Variants in TBX3 observed in about 807,000 individuals in gnomAD.
TBX3 encodes the protein T-box transcription factor 3.
In TBX3, 11 loss-of-function variants were observed where a neutral mutation model predicts 47.8. The ratio of observed to expected loss-of-function variants is 0.23; its 90% CI spans 0.14 to 0.38. The LOEUF (loss-of-function observed/expected upper bound fraction) is 0.38. Ranked by LOEUF, TBX3 falls within the 10% of genes least tolerant of loss-of-function variation. The pLI, the probability that TBX3 is intolerant of heterozygous loss-of-function variation, is 1.00. For missense variants in TBX3, 927 were observed against 1,022.8 expected (o/e 0.91, Z 1.28); for synonymous variants, 500 against 449.3 (o/e 1.11, Z -1.43).
At chr12:114,676,685 G>T (rs1313369419) in intron 4 of TBX3, among the ~76,000 whole-genome samples, 1 of 152,238 alleles carries the variant, frequency 6.6e-6, no homozygotes, top group Non-Finnish European at 1.5e-5. Context: ...GTGGCAGAGG[G>T]TTAGGGAGAA....
Position 114,679,758 on chromosome 12 carries a change from C to T in TBX3, c.658-107G>A, listed in dbSNP as rs562014758. On this transcript the variant is annotated intron_variant, in intron 2 of 6. Transcript: ENST00000349155. Reference sequence around the variant, plus strand: ...AAATCTTCCCCACCGCAGGGTACCACGCTTGTACCGAGCCCACCTCCTTGG... The same window carrying T: ...AAATCTTCCCCACCGCAGGGTACCATGCTTGTACCGAGCCCACCTCCTTGG... 2.2e-5 allele frequency: 35 copies of T among 1,560,856 alleles called. No individual in the cohort carries two copies. The African/African-American group carries it at 2.4e-4, about 11-fold the overall frequency.
At position 114,674,288 on chromosome 12, in the gene TBX3, G is replaced by A. The variant is rs376960290; in HGVS notation, c.1587C>T (p.Ala529=). 1.3e-6 allele frequency: 2 copies of A among 1,581,022 alleles called. No individual in the cohort carries two copies. Among genetic ancestry groups the A allele is most frequent in the African/African-American group, 1.3e-5 (1 of 74,366 alleles). The change falls in exon 6 of 7, where the codon GCC becomes GCT. Residue 529 remains alanine (A), a synonymous_variant. Transcript: ENST00000349155. Reference sequence around the variant, plus strand: ...AATCCAGGCCCGAGACACCGGTGGAGGCCCCAGAAACCGTGGCCAGGAGGG... The same window carrying A: ...AATCCAGGCCCGAGACACCGGTGGAAGCCCCAGAAACCGTGGCCAGGAGGG... The part of the protein sequence containing the change: ...MGPLLATVSG[A]STGVSGLDST...
At chr12:114,673,799 C>T (rs933467588) in intron 6 of TBX3, among the ~76,000 whole-genome samples, 4 of 152,208 alleles carry the variant, frequency 2.6e-5, no homozygotes, top group Admixed American at 1.3e-4. Flanking sequence ...GGCGTCTTCG[C>T]CTTCATCTGT....
intron 3 of TBX3, among the ~76,000 whole-genome samples, chr12:114,679,221 GA>G (rs1405881284): frequency 1.3e-5 from 2 of 152,130 alleles, no homozygotes; most frequent in African/African-American, 2.4e-5. Context: ...CAAAGCCCAA[GA>G]GGGGGGGAGG....
In TBX3 at chr12:114,681,177, A is replaced by G. The variant is rs374877370; in HGVS notation, c.390-31T>C. On this transcript the variant is annotated intron_variant, in intron 1 of 6. Transcript: ENST00000349155. ...AAACGAAAGAATAGAAAAGAAAAAG[A>G]AAGATAAACCACCCGTAATCTTGGG... The G allele has an allele frequency of 5.0e-6, 8 of 1,613,144 alleles. No individual in the cohort carries two copies. In the African/African-American group the frequency reaches 1.1e-4, roughly 22 times the overall value.
chr12:114,683,398 A>G lies in TBX3; in HGVS notation c.-198T>C, dbSNP rs12366395. On this transcript the variant is annotated 5_prime_UTR_variant, in exon 1 of 7. Coordinates refer to ENST00000349155, the MANE Select transcript of TBX3 (RefSeq NM_005996.4). The surrounding 1 kb of genome is among the most constrained non-coding windows in gnomAD (Gnocchi z 7.7). Reference sequence around the variant, plus strand: ...AGGGAGGAGGGGAAGTGTCTTTTGGAGAATGGGAGGCCGCTTTTAAAGAGG... The same window carrying G: ...AGGGAGGAGGGGAAGTGTCTTTTGGGGAATGGGAGGCCGCTTTTAAAGAGG... The G allele has an allele frequency of 0.15, 108,248 of 720,482 alleles. 8,669 individuals carry two copies. The highest frequency in any genetic ancestry group is 0.21 in the South Asian group (9,676 of 46,062). 44.6% of individuals were successfully genotyped at this position (720,482 alleles called of 1,614,324 possible). A position where few individuals can be genotyped will look rare whatever the true frequency, so the allele number is the denominator to read the frequency against.
At chr12:114,682,626 G>A (rs372193312) in intron 1 of TBX3, among the ~76,000 whole-genome samples, 186 bp downstream of exon 1, 27 of 152,052 alleles carry the variant, frequency 1.8e-4, no homozygotes, top group African/African-American at 6.5e-4. Flanking sequence ...GACCCATGCA[G>A]ATGCCCAGGT....
intron 6 of TBX3, among the ~76,000 whole-genome samples, chr12:114,672,715 T>C (rs948852323): frequency 6.6e-6 from 1 of 152,056 alleles, no homozygotes; most frequent in East Asian, 1.9e-4. Flanking sequence ...GGGATACAGA[T>C]TCAGTTTACC....
At chr12:114,675,130 T>G (rs1371815080) in intron 5 of TBX3, among the ~76,000 whole-genome samples, 1 of 152,242 alleles carries the variant, frequency 6.6e-6, no homozygotes, top group East Asian at 1.9e-4. Flanking sequence ...CTTATTTTAA[T>G]GAATTTTACT....
chr12:114,678,089 G>A (rs572271049), intron 3 of TBX3, among the ~76,000 whole-genome samples: 1 of 151,374 alleles, frequency 6.6e-6, no homozygotes, highest in African/African-American at 2.4e-5. Flanking sequence ...AATGATTTAT[G>A]GGGTTTCACT....
At chr12:114,677,476 C>A in intron 4 of TBX3, 104 bp downstream of exon 4, 1 of 1,112,616 alleles carries the variant, frequency 9.0e-7, no homozygotes, top group Non-Finnish European at 1.3e-6. Flanking sequence ...GATTTCCACC[C>A]GCTCTTAGGA....
At position 114,683,503 on chromosome 12, in the gene TBX3, G is replaced by T; in HGVS notation, c.-303C>A. 1 of 393,046 alleles carries T rather than the reference G, an allele frequency of 2.5e-6. No individual in the cohort carries two copies. Among genetic ancestry groups the T allele is most frequent in the Non-Finnish European group, 4.6e-6 (1 of 218,468 alleles). The allele number at this position is 393,046 out of a possible 1,614,324, so 24.3% of individuals were successfully genotyped here. On this transcript the variant is annotated 5_prime_UTR_variant, in exon 1 of 7. Coordinates refer to ENST00000349155, the MANE Select transcript of TBX3 (RefSeq NM_005996.4). The surrounding 1 kb of genome is among the most constrained non-coding windows in gnomAD (Gnocchi z 7.7). ...CGTTTTTAAAAAGCCGCTCCTGAACGTCGGTTTCAGAAGCGAGAGGAGCGA... is the reference window on the plus strand; with the variant it reads ...CGTTTTTAAAAAGCCGCTCCTGAACTTCGGTTTCAGAAGCGAGAGGAGCGA...
At chr12:114,678,972 A>G (rs1038667443) in intron 3 of TBX3, among the ~76,000 whole-genome samples, 2 of 152,072 alleles carry the variant, frequency 1.3e-5, no homozygotes, top group Non-Finnish European at 2.9e-5. Flanking sequence ...AACCACACGC[A>G]TGCATGCACA....
rs1316375409 is a variant in TBX3, at chr12:114,674,235, G to A, written c.1640C>T (p.Ala547Val). 1.3e-6 allele frequency: 2 copies of A among 1,575,372 alleles called. No individual in the cohort carries two copies. The highest frequency in any genetic ancestry group is 4.6e-5 in the East Asian group (2 of 43,582). ...DSTAMASAAA[A>V]QGLSGASAAT... Reference sequence around the variant, plus strand: ...CGCGGACGCCCCGGACAGTCCCTGCGCCGCAGCGGCAGAGGCCATGGCCGT... The same window carrying A: ...CGCGGACGCCCCGGACAGTCCCTGCACCGCAGCGGCAGAGGCCATGGCCGT... Residue 547 changes from alanine (A) to valine (V), a missense_variant, in exon 6 of 7, where the codon GCG becomes GTG. Around this residue, in one of 5 missense-constraint regions of TBX3, gnomAD observed 623 missense variants for 569.0 expected, o/e 1.09. Transcript: ENST00000349155.
At position 114,683,484 on chromosome 12, in the gene TBX3, T is replaced by C. The variant is rs1049264535; in HGVS notation, c.-284A>G. The stretch of plus-strand genomic sequence containing the variant: ...TGACCGTCCTTGTGCCTTGCGTTTT[T>C]AAAAAGCCGCTCCTGAACGTCGGTT... On this transcript the variant is annotated 5_prime_UTR_variant, in exon 1 of 7. Transcript: ENST00000349155. The surrounding 1 kb of genome is among the most constrained non-coding windows in gnomAD (Gnocchi z 7.7). 2.2e-5 allele frequency: 9 copies of C among 413,018 alleles called. No individual in the cohort carries two copies. Among genetic ancestry groups the C allele is most frequent in the Admixed American group, 2.0e-4 (5 of 24,970 alleles). 25.6% of individuals were successfully genotyped at this position (413,018 alleles called of 1,614,324 possible).
rs1283299550 is a variant in TBX3, at chr12:114,672,222, C to T, written c.1791G>A (p.Ala597=). 7.0e-6 allele frequency: 11 copies of T among 1,573,846 alleles called. No homozygotes were observed. Among genetic ancestry groups the T allele is most frequent in the Admixed American group, 1.9e-5 (1 of 53,874 alleles). The change falls in exon 7 of 7, where the codon GCG becomes GCA. Residue 597 remains alanine (A), a synonymous_variant. Transcript: ENST00000349155. ...GGCGGTGCACCGAGCTGGAGGCTGC[C>T]GCAGAGGAGGCGGCCGCCGCTGCGG... is the stretch of plus-strand genomic sequence containing the variant. ...YMAAAAAASS[A]AASSSVHRHP...
rs753151479 is a variant in TBX3, at chr12:114,681,155, C to T, written c.390-9G>A. On this transcript the variant is annotated splice_polypyrimidine_tract_variant and intron_variant, in intron 1 of 6. Transcript: ENST00000349155. ...ATGGAGGAAACATTCGCCTATAAAA[C>T]GAAAGAATAGAAAAGAAAAAGAAAG... 1.5e-5 allele frequency: 24 copies of T among 1,613,622 alleles called. No homozygotes were observed. Among genetic ancestry groups the T allele is most frequent in the African/African-American group, 9.4e-5 (7 of 74,804 alleles).
At chr12:114,682,735 G>T in intron 1 of TBX3, 77 bp downstream of exon 1, 1 of 1,607,510 alleles carries the variant, frequency 6.2e-7, no homozygotes, top group South Asian at 1.1e-5. Context: ...CCGACCAACC[G>T]ACTGTTCTGG....
In TBX3 at chr12:114,683,112, A is replaced by G. The variant is rs1869017856; in HGVS notation, c.89T>C (p.Met30Thr). 1 of 1,612,560 alleles carries G rather than the reference A, an allele frequency of 6.2e-7. No homozygotes were observed. Among genetic ancestry groups the G allele is most frequent in the Non-Finnish European group, 8.5e-7 (1 of 1,179,550 alleles). ...FLPHRAPDFA[M>T]SAVLGHQPPF... ...CGGCTGGTGACCCAGCACCGCGCTC[A>G]TGGCGAAGTCCGGCGCCCGGTGAGG... Residue 30 changes from methionine (M) to threonine (T), a missense_variant, in exon 1 of 7, where the codon ATG becomes ACG. By Grantham distance (81) the Met-to-Thr change is moderately conservative. Around this residue, in one of 5 missense-constraint regions of TBX3, gnomAD observed 216 missense variants for 281.2 expected, o/e 0.77. Coordinates refer to ENST00000349155, the MANE Select transcript of TBX3 (RefSeq NM_005996.4). This position sits in a 1 kb window ranked among gnomAD's most constrained non-coding sequence, Gnocchi z 7.7.
Sources: gnomAD v4.1 joint callset for allele counts (sites outside exome capture counted in the v4.1 genomes callset) on GRCh38, gnomAD v4.1.1 for gene constraint, gnomAD v4.1.1 regional missense constraint, Gnocchi (gnomAD v3.1) non-coding constraint, MANE v1.5 for transcripts, NCBI Gene and HGNC (gene_info 2026-07-23, HGNC 2026-07-21) for gene names.